EMSY: variants seen among roughly 807,000 people sequenced by gnomAD.
The protein encoded by EMSY is EMSY transcriptional repressor, BRCA2 interacting, also known as BRCA2-interacting transcriptional repressor EMSY.
In EMSY, 26 loss-of-function variants were observed where a neutral mutation model predicts 134.6. The ratio of observed to expected loss-of-function variants is 0.19; its 90% CI spans 0.14 to 0.27. The LOEUF is 0.27. Among genes scored for constraint, EMSY ranks in the 10% least tolerant of loss-of-function variants. The pLI is 1.00. For missense variants in EMSY, 1,305 were observed against 1,611.4 expected (o/e 0.81, Z 3.26); for synonymous variants, 579 against 577.8 (o/e 1.00, Z -0.03).
chr11:76,505,362 A>ATTTTTT (rs372496170), intron 9 of EMSY, among the ~76,000 whole-genome samples: 3 of 126,784 alleles, frequency 2.4e-5, no homozygotes, highest in African/African-American at 5.8e-5. Context: ...CGCCCGGCTA[A>ATTTTTT]TTTTTTTTTT....
chr11:76,500,637 TA>T (rs1949825701), intron 9 of EMSY, among the ~76,000 whole-genome samples: 2 of 152,018 alleles, frequency 1.3e-5, no homozygotes, highest in Non-Finnish European at 2.9e-5. Context: ...AACAACAGAG[TA>T]ATCAACCAGC....
intron 6 of EMSY, among the ~76,000 whole-genome samples, chr11:76,462,753 G>T (rs1252882518): frequency 6.6e-6 from 1 of 152,188 alleles, no homozygotes; most frequent in Non-Finnish European, 1.5e-5. Context: ...GGGGTACATG[G>T]GGTTGGATGT....
chr11:76,473,678 C>T (rs1419747697), intron 8 of EMSY, among the ~76,000 whole-genome samples: 1 of 152,104 alleles, frequency 6.6e-6, no homozygotes, highest in Non-Finnish European at 1.5e-5. Context: ...GACCTGAACT[C>T]AAGGGCAATT....
At chr11:76,467,848 C>T (rs78917146) in intron 7 of EMSY, among the ~76,000 whole-genome samples, 3 of 151,752 alleles carry the variant, frequency 2.0e-5, no homozygotes, top group African/African-American at 4.8e-5. Context: ...CAAAATTAGC[C>T]GGGCGTGGTG....
intron 14 of EMSY, among the ~76,000 whole-genome samples, chr11:76,532,068 G>A (rs1951061353): frequency 6.6e-6 from 1 of 152,072 alleles, no homozygotes; most frequent in South Asian, 2.1e-4. Context: ...ATATTGCTTT[G>A]TACATCAGCT....
At chr11:76,471,654 C>T (rs1052419241) in intron 7 of EMSY, among the ~76,000 whole-genome samples, 5 of 152,026 alleles carry the variant, frequency 3.3e-5, no homozygotes, top group African/African-American at 1.2e-4. Context: ...TGATGTTCTT[C>T]TCATGATTAG....
At chr11:76,463,938 C>T (rs550970268) in exon 7 of EMSY, 17 of 1,614,196 alleles carry the variant, frequency 1.1e-5, no homozygotes, top group East Asian at 2.2e-5. Flanking sequence ...GTCTCAAAGA[C>T]GATCACTGTG....
intron 8 of EMSY, among the ~76,000 whole-genome samples, chr11:76,484,539 A>G (rs1949104775): frequency 6.6e-6 from 1 of 152,206 alleles, no homozygotes; most frequent in South Asian, 2.1e-4. Flanking sequence ...GAAGAATCAA[A>G]TAGACACAAT....
chr11:76,545,924 G>A (rs1247232740), exon 20 of EMSY: 1 of 1,614,090 alleles, frequency 6.2e-7, no homozygotes, highest in Non-Finnish European at 8.5e-7. Context: ...CCAGTTACAA[G>A]CATATCTCCC....
intron 4 of EMSY, among the ~76,000 whole-genome samples, chr11:76,456,837 G>A (rs1442846425): frequency 6.6e-6 from 1 of 152,110 alleles, no homozygotes. Flanking sequence ...ATTCCATTCA[G>A]TGAAAGTTGG....
intron 9 of EMSY, among the ~76,000 whole-genome samples, chr11:76,507,724 C>T (rs1400659365): frequency 6.6e-6 from 1 of 152,134 alleles, no homozygotes; most frequent in Non-Finnish European, 1.5e-5. Flanking sequence ...GACCTCCTCC[C>T]ATGATTCAAA....
exon 15 of EMSY, chr11:76,536,017 A>G: frequency 6.3e-7 from 1 of 1,593,172 alleles, no homozygotes; most frequent in East Asian, 2.3e-5. Context: ...ACAATCAGCT[A>G]CTTCAACAAT....
chr11:76,476,381 A>G (rs1192342252), intron 8 of EMSY, among the ~76,000 whole-genome samples: 2 of 152,224 alleles, frequency 1.3e-5, no homozygotes, highest in East Asian at 3.9e-4. Context: ...TGCAAAATGC[A>G]TTTTATCTTT....
intron 2 of EMSY, among the ~76,000 whole-genome samples, chr11:76,450,756 A>G (rs1947628782): frequency 1.4e-5 from 2 of 145,220 alleles, no homozygotes; most frequent in African/African-American, 5.1e-5. Flanking sequence ...CCTCCCAAAG[A>G]GCTGGGATTA....
chr11:76,449,577 A>G (rs890180342), intron 2 of EMSY, among the ~76,000 whole-genome samples: 9 of 151,896 alleles, frequency 5.9e-5, no homozygotes, highest in Admixed American at 5.2e-4. Flanking sequence ...ATTTCTTTTT[A>G]TGGCATTGCC....
intron 9 of EMSY, among the ~76,000 whole-genome samples, chr11:76,505,340 C>T (rs762812151): frequency 5.3e-5 from 8 of 149,538 alleles, no homozygotes; most frequent in Non-Finnish European, 8.9e-5. Flanking sequence ...GGATTACAGG[C>T]GCGCACCATC....
At chr11:76,551,579 G>A (rs1289838617), downstream of EMSY, 4 of 152,684 alleles carry the variant, frequency 2.6e-5, no homozygotes, top group Admixed American at 6.5e-5. Context: ...CATAAGATGC[G>A]CTGATCTCTG....
chr11:76,460,949 C>T (rs950048089), intron 6 of EMSY: 1 of 151,574 alleles, frequency 6.6e-6, no homozygotes, highest in African/African-American at 2.4e-5. Flanking sequence ...GAGATTGCGC[C>T]ACTGCACTCC....
chr11:76,538,002 AT>A, intron 16 of EMSY, 52 bp downstream of exon 17: 1 of 1,433,596 alleles, frequency 7.0e-7, no homozygotes, highest in Non-Finnish European at 9.5e-7. Context: ...ACCTTCCTGG[AT>A]TTCATGGGAT....
Sources: allele counts gnomAD v4.1 joint callset (sites outside exome capture counted in the v4.1 genomes callset), GRCh38; gene constraint gnomAD v4.1.1; transcripts MANE v1.5; gene names NCBI Gene and HGNC (gene_info 2026-07-23, HGNC 2026-07-21).